ANK2: variants seen among roughly 807,000 people sequenced by gnomAD.
The protein encoded by ANK2 is ankyrin 2.
A neutral mutation model predicts 360.5 loss-of-function variants in ANK2; 83 were observed. The ratio of observed to expected loss-of-function variants is 0.23; its 90% CI spans 0.19 to 0.28. The LOEUF (loss-of-function observed/expected upper bound fraction) is 0.28. ANK2 is among the 10% of genes least tolerant of loss of function. The pLI, the probability that ANK2 is intolerant of heterozygous loss-of-function variation, is 1.00. For missense variants in ANK2, 4,201 were observed against 4,795.7 expected, an observed-to-expected ratio of 0.88 and a Z score of 3.66; for synonymous variants, 1,740 against 1,759.5, an observed-to-expected ratio of 0.99 and a Z score of 0.28.
chr4:113,234,404 T>G (rs1036421519), intron 5 of ANK2, among the ~76,000 whole-genome samples: 2 of 152,232 alleles, frequency 1.3e-5, no homozygotes, highest in African/African-American at 4.8e-5. Flanking sequence ...TAGACAATCA[T>G]TTAAATAATT....
chr4:112,810,111 T>C, the ANK2 span, among the ~76,000 whole-genome samples: 2 of 143,874 alleles, frequency 1.4e-5, no homozygotes, highest in African/African-American at 5.0e-5. Flanking sequence ...AATAAAGATA[T>C]TTTAATTTTT....
At chr4:112,760,380 G>T in the ANK2 span, among the ~76,000 whole-genome samples, 10 of 151,912 alleles carry the variant, frequency 6.6e-5, no homozygotes, top group African/African-American at 2.4e-4. Flanking sequence ...GTAAAGACAG[G>T]GTTTCACCGT....
intron 1 of ANK2, among the ~76,000 whole-genome samples, chr4:113,078,569 A>G (rs902154879): frequency 1.3e-5 from 2 of 152,120 alleles, no homozygotes; most frequent in Non-Finnish European, 2.9e-5. Flanking sequence ...CACCATTTAT[A>G]TGTTTTGATT....
intron 1 of ANK2, among the ~76,000 whole-genome samples, chr4:113,109,207 G>T (rs1006298833): frequency 5.3e-5 from 8 of 151,940 alleles, no homozygotes; most frequent in African/African-American, 1.9e-4. Flanking sequence ...ACTACTTTGG[G>T]GAACCATAAC....
the ANK2 span, among the ~76,000 whole-genome samples, chr4:112,743,422 T>C: frequency 6.6e-6 from 1 of 152,120 alleles, no homozygotes; most frequent in African/African-American, 2.4e-5. Flanking sequence ...TTCCTTATAT[T>C]ATATTGCTTA....
At chr4:113,133,180 C>T (rs139375217) in intron 1 of ANK2, among the ~76,000 whole-genome samples, 286 of 152,182 alleles carry the variant, frequency 1.9e-3, no homozygotes, top group African/African-American at 6.6e-3. Flanking sequence ...ACTTAGTTTT[C>T]TGAAGATGAC....
intron 14 of ANK2, among the ~76,000 whole-genome samples, chr4:113,270,847 T>C (rs921742545): frequency 4.6e-5 from 7 of 152,252 alleles, no homozygotes; most frequent in African/African-American, 1.7e-4. Flanking sequence ...TTCCTATTCA[T>C]AAGTCCTATT....
chr4:113,352,188 T>C (rs1249282766), intron 37 of ANK2, among the ~76,000 whole-genome samples: 1 of 152,230 alleles, frequency 6.6e-6, no homozygotes, highest in African/African-American at 2.4e-5. Context: ...TTGGCTTACA[T>C]AAACTGTGTG....
chr4:112,917,224 G>A (rs1200500986), intron 2 of ANK2, among the ~76,000 whole-genome samples: 1 of 152,206 alleles, frequency 6.6e-6, no homozygotes, highest in African/African-American at 2.4e-5. Context: ...ATGAAAAAGA[G>A]CTTCTAACAG....
At chr4:113,197,260 G>A (rs1382292885) in intron 3 of ANK2, among the ~76,000 whole-genome samples, 1 of 152,150 alleles carries the variant, frequency 6.6e-6, no homozygotes, top group Admixed American at 6.5e-5. Flanking sequence ...AATGTGTTTG[G>A]TAAGGAAATT....
At chr4:113,013,495 C>T (rs1186496333) in intron 2 of ANK2, among the ~76,000 whole-genome samples, 2 of 152,050 alleles carry the variant, frequency 1.3e-5, no homozygotes, top group Admixed American at 1.3e-4. Flanking sequence ...TATAGTAGTA[C>T]TTCATACTTA....
At chr4:113,278,724 C>A (rs1177402764) in intron 17 of ANK2, among the ~76,000 whole-genome samples, 166 bp downstream of exon 17, 1 of 152,018 alleles carries the variant, frequency 6.6e-6, no homozygotes, top group Non-Finnish European at 1.5e-5. Context: ...CTGCCAGTTG[C>A]GTCTTGAAAA....
chr4:113,114,610 AT>A (rs2094584527), intron 1 of ANK2, among the ~76,000 whole-genome samples: 1 of 152,178 alleles, frequency 6.6e-6, no homozygotes. Flanking sequence ...GTAAAAATGT[AT>A]AATTTTCCTG....
At position 113,311,413 on chromosome 4, in the gene ANK2, C is replaced by G. The variant is rs767629497; in HGVS notation, c.2693+14C>G. On this transcript the variant is annotated intron_variant, in intron 24 of 45. Coordinates refer to ENST00000357077, the MANE Select transcript of ANK2 (RefSeq NM_001148.6). Reference sequence around the variant, plus strand: ...ACGATCTGACAGGTATCTCATAAAACTTATAATTGATGTCAGCCAGAAGTA... The same window carrying G: ...ACGATCTGACAGGTATCTCATAAAAGTTATAATTGATGTCAGCCAGAAGTA... 1.1e-5 allele frequency: 17 copies of G among 1,613,742 alleles called. No individual in the cohort carries two copies. In the Admixed American group the frequency reaches 2.7e-4, roughly 25 times the overall value.
At chr4:113,100,946 A>G (rs2092726266) in intron 1 of ANK2, among the ~76,000 whole-genome samples, 1 of 152,094 alleles carries the variant, frequency 6.6e-6, no homozygotes, top group African/African-American at 2.4e-5. Context: ...TAGTAAAAAC[A>G]TCAGTGTTTT....
At chr4:112,807,033 CTT>C in the ANK2 span, among the ~76,000 whole-genome samples, 1 of 152,164 alleles carries the variant, frequency 6.6e-6, no homozygotes, top group African/African-American at 2.4e-5. Context: ...TTCCAACTCT[CTT>C]CTATCGGATA....
intron 2 of ANK2, among the ~76,000 whole-genome samples, chr4:112,941,328 A>G (rs945719473): frequency 8.9e-4 from 130 of 146,720 alleles, no homozygotes; most frequent in Admixed American, 1.2e-3. Context: ...AGATATATAA[A>G]TATACTACAT....
intron 2 of ANK2, among the ~76,000 whole-genome samples, chr4:112,909,511 C>T (rs968373150): frequency 6.6e-6 from 1 of 152,164 alleles, no homozygotes; most frequent in South Asian, 2.1e-4. Context: ...CTTGTGACCA[C>T]AGAAAATAAT....
At chr4:113,303,354 A>G (rs1434652901) in intron 23 of ANK2, among the ~76,000 whole-genome samples, 2 of 152,218 alleles carry the variant, frequency 1.3e-5, no homozygotes, top group African/African-American at 4.8e-5. Context: ...GTACAGCAGG[A>G]AGTAGTATAA....
Sources: gnomAD v4.1 joint callset for allele counts (sites outside exome capture counted in the v4.1 genomes callset) on GRCh38, gnomAD v4.1.1 for gene constraint, MANE v1.5 for transcripts, NCBI Gene and HGNC (gene_info 2026-07-23, HGNC 2026-07-21) for gene names.